Variants in NBEA observed in about 807,000 individuals in gnomAD.
The protein encoded by NBEA is lysosomal-trafficking regulator 2.
NBEA carries 44 observed loss-of-function variants against 343.4 expected under a neutral mutation model. The observed-to-expected ratio is 0.13, with a 90% confidence interval of 0.10 to 0.16. The LOEUF is 0.16. Among genes scored for constraint, NBEA ranks in the 10% least tolerant of loss-of-function variants. NBEA has a pLI of 1.00. For missense variants in NBEA, 2,555 were observed against 3,631.3 expected, an observed-to-expected ratio of 0.70 and a Z score of 7.62; for synonymous variants, 1,175 against 1,238.7, an observed-to-expected ratio of 0.95 and a Z score of 1.08.
chr13:35,291,356 A>G (rs1189891480), intron 35 of NBEA, among the ~76,000 whole-genome samples: 1 of 151,930 alleles, frequency 6.6e-6, no homozygotes, highest in East Asian at 1.9e-4. Context: ...CCTCTAAAAC[A>G]TCAGCAAAAC....
At chr13:35,096,199 T>C (rs1265600637) in intron 10 of NBEA, among the ~76,000 whole-genome samples, 2 of 136,780 alleles carry the variant, frequency 1.5e-5, no homozygotes. Flanking sequence ...ATTGTAAAGA[T>C]TTTTTTTTTT....
rs570959065 is a variant in NBEA at position 35,358,038 on chromosome 13, T to C, written c.6179+5715T>C. ...ATCAACAGATAATTCTTTTTTTCAATTGAGATGGAGTCTCACGCTGTCACC... is the reference window on the plus strand; with the variant it reads ...ATCAACAGATAATTCTTTTTTTCAACTGAGATGGAGTCTCACGCTGTCACC... On this transcript the variant is annotated intron_variant, in intron 38 of 58. Transcript: ENST00000379939. Among the ~76,000 whole-genome samples the C allele has an allele frequency of 3.9e-5, 6 of 152,206 alleles. No homozygotes were observed. The South Asian group carries it at 8.3e-4, about 21-fold the overall frequency.
chr13:35,155,723 A>G (rs1446599456), intron 18 of NBEA, 51 bp from the exon 19 acceptor site: 1 of 1,409,430 alleles, frequency 7.1e-7, no homozygotes, highest in Non-Finnish European at 1.0e-6. Context: ...ATATTTTGCA[A>G]TTATTATTTA....
chr13:35,240,457 C>T (rs73491681), intron 34 of NBEA, among the ~76,000 whole-genome samples: 2,467 of 151,724 alleles, frequency 0.016, 64 homozygotes, highest in African/African-American at 0.051. Flanking sequence ...CCTATCAAGA[C>T]GGTATGTATG....
intron 38 of NBEA, among the ~76,000 whole-genome samples, chr13:35,402,150 A>C (rs546009182): frequency 6.6e-6 from 1 of 152,154 alleles, no homozygotes; most frequent in African/African-American, 2.4e-5. Context: ...TTTAATATAA[A>C]ATTTAAATAT....
chr13:35,063,743 A>C (rs1190906059), intron 8 of NBEA, among the ~76,000 whole-genome samples: 3 of 152,036 alleles, frequency 2.0e-5, no homozygotes, highest in Non-Finnish European at 4.4e-5. Context: ...TGTTGCAGTT[A>C]TTTAGTGAAA....
intron 51 of NBEA, among the ~76,000 whole-genome samples, chr13:35,648,336 G>T (rs945467384): frequency 6.6e-6 from 1 of 151,910 alleles, no homozygotes; most frequent in Non-Finnish European, 1.5e-5. Context: ...GGCTGTTGCC[G>T]TATAAACCCC....
intron 1 of NBEA, among the ~76,000 whole-genome samples, chr13:34,966,589 C>T (rs9542804): frequency 0.11 from 17,069 of 150,310 alleles, 1,336 homozygotes; most frequent in Middle Eastern, 0.29. Flanking sequence ...GGCTTTGTGA[C>T]CTTCAACTAT....
At chr13:35,201,526 A>G (rs1280719370) in intron 31 of NBEA, among the ~76,000 whole-genome samples, 1 of 152,036 alleles carries the variant, frequency 6.6e-6, no homozygotes, top group Non-Finnish European at 1.5e-5. Context: ...TTCAAGATAC[A>G]TATTTAACAT....
At chr13:34,957,016 TATATATACACACACACACAC>T (rs1013127171) in intron 1 of NBEA, among the ~76,000 whole-genome samples, 5 of 151,392 alleles carry the variant, frequency 3.3e-5, no homozygotes, top group African/African-American at 1.2e-4. Context: ...GGAATATATA[TATATATACACACACACACAC>T]ATATATATAC....
intron 41 of NBEA, among the ~76,000 whole-genome samples, chr13:35,504,465 C>T (rs1280131533): frequency 1.3e-5 from 2 of 152,180 alleles, no homozygotes; most frequent in Non-Finnish European, 2.9e-5. Flanking sequence ...ACCGTTTTGT[C>T]TCATCTCACA....
chr13:35,460,802 A>G (rs1213674173), intron 40 of NBEA, among the ~76,000 whole-genome samples: 1 of 152,254 alleles, frequency 6.6e-6, no homozygotes, highest in Non-Finnish European at 1.5e-5. Context: ...ATAACAGGAT[A>G]CCTGAAACTG....
At chr13:35,639,566 G>A (rs2083844539) in intron 49 of NBEA, among the ~76,000 whole-genome samples, 1 of 151,666 alleles carries the variant, frequency 6.6e-6, no homozygotes, top group Non-Finnish European at 1.5e-5. Flanking sequence ...TGTATTTTTT[G>A]GTTTAAAAAA....
chr13:35,371,208 G>A (rs566794642), intron 38 of NBEA, among the ~76,000 whole-genome samples: 3 of 151,938 alleles, frequency 2.0e-5, no homozygotes, highest in African/African-American at 4.8e-5. Flanking sequence ...TAGGTTTTCT[G>A]TCTCTTTTGT....
At chr13:34,943,374 A>G (rs1346805892) in intron 1 of NBEA, among the ~76,000 whole-genome samples, 2 of 152,022 alleles carry the variant, frequency 1.3e-5, no homozygotes, top group Non-Finnish European at 2.9e-5. Flanking sequence ...CTCACTTTTT[A>G]GGACCGCGAG....
chr13:34,987,933 T>C (rs886298651), intron 1 of NBEA, among the ~76,000 whole-genome samples: 4 of 150,806 alleles, frequency 2.7e-5, no homozygotes, highest in Admixed American at 1.3e-4. Context: ...TTGCAATGGG[T>C]TTGAACATCC....
chr13:35,219,179 G>A (rs1593797991), intron 33 of NBEA, among the ~76,000 whole-genome samples: 1 of 151,994 alleles, frequency 6.6e-6, no homozygotes, highest in Non-Finnish European at 1.5e-5. Context: ...TAGCCAGCTT[G>A]TCTGCCTTCC....
chr13:34,967,421 C>G (rs2059858157), intron 1 of NBEA, among the ~76,000 whole-genome samples: 2 of 151,548 alleles, frequency 1.3e-5, no homozygotes, highest in Admixed American at 1.3e-4. Flanking sequence ...TAGAAACATA[C>G]TTTAAGAAGC....
intron 38 of NBEA, among the ~76,000 whole-genome samples, chr13:35,424,887 A>G (rs534463512): frequency 3.3e-5 from 5 of 152,066 alleles, no homozygotes; most frequent in Non-Finnish European, 7.4e-5. Flanking sequence ...GGGAGGATGT[A>G]TGTGTCGAGG....
Sources: gnomAD v4.1 joint callset for allele counts (sites outside exome capture counted in the v4.1 genomes callset) on GRCh38, gnomAD v4.1.1 for gene constraint, MANE v1.5 for transcripts, NCBI Gene and HGNC (gene_info 2026-07-23, HGNC 2026-07-21) for gene names.